Variants in ACAD10 observed in about 807,000 individuals in gnomAD.
The protein encoded by ACAD10 is ACAD-10.
A neutral mutation model predicts 116.8 loss-of-function variants in ACAD10; 112 were observed. That is an observed-to-expected ratio of 0.96 (90% CI 0.82 to 1.12). The LOEUF (loss-of-function observed/expected upper bound fraction) is 1.12, where lower values mean the gene tolerates loss of function less well. Ranked by LOEUF, ACAD10 falls within the 50% of genes most tolerant of loss-of-function variation. The pLI, the probability that ACAD10 is intolerant of heterozygous loss-of-function variation, is 0.00. For synonymous variants in ACAD10, 486 were observed against 510.6 expected (o/e 0.95, Z 0.65); for missense variants, 1,259 against 1,350.2 (o/e 0.93, Z 1.06).
At chr12:111,728,728 C>T (rs765915230) in intron 9 of ACAD10, among the ~76,000 whole-genome samples, 100 of 152,176 alleles carry the variant, frequency 6.6e-4, no homozygotes, top group African/African-American at 2.1e-3. Context: ...CTCTCTCTGT[C>T]GCCCACACTG....
chr12:111,725,440 G>C (rs1015962009), intron 8 of ACAD10, among the ~76,000 whole-genome samples: 5 of 152,136 alleles, frequency 3.3e-5, no homozygotes, highest in Non-Finnish European at 7.3e-5. Flanking sequence ...CCTGAGCCTG[G>C]GAGGTGGAGG....
Position 111,692,876 on chromosome 12 carries a change from C to T in ACAD10, c.167C>T (p.Ser56Phe). ...IFDMGGVLIP[S>F]PGRVAAEWEV... is the part of the protein sequence containing the mutation. ...GACATGGGCGGAGTTCTCATTCCTTCTCCAGGGAGAGTCGCTGCAGGTGAG... is the reference window on the plus strand; with the variant it reads ...GACATGGGCGGAGTTCTCATTCCTTTTCCAGGGAGAGTCGCTGCAGGTGAG... The change falls in exon 2 of 21, where the codon TCT becomes TTT. Residue 56 changes from serine to phenylalanine, a missense_variant. Ser to Phe is a radical substitution (Grantham distance 155). Transcript: ENST00000313698. 1 of 1,614,122 alleles carries T rather than the reference C, an allele frequency of 6.2e-7. No individual in the cohort carries two copies. The highest frequency in any genetic ancestry group is 8.5e-7 in the Non-Finnish European group (1 of 1,180,000).
At chr12:111,735,603 C>T (rs959370602) in intron 11 of ACAD10, among the ~76,000 whole-genome samples, 1 of 151,636 alleles carries the variant, frequency 6.6e-6, no homozygotes, top group East Asian at 2.0e-4. Flanking sequence ...CTACAGGCAC[C>T]CACCACCACG....
chr12:111,737,044 G>A lies in ACAD10; in HGVS notation c.1714+40G>A, dbSNP rs750316009. 12 of 1,600,844 alleles carry A rather than the reference G, an allele frequency of 7.5e-6. No homozygotes were observed. In the South Asian group the frequency reaches 1.2e-4, roughly 16 times the overall value. ...GCCCTGAAGAGCCACTGCGGGGTGAGTCACAGCAAGGACCGTGCCTCCACC... is the reference window on the plus strand; with the variant it reads ...GCCCTGAAGAGCCACTGCGGGGTGAATCACAGCAAGGACCGTGCCTCCACC... On this transcript the variant is annotated intron_variant, in intron 12 of 20. Transcript: ENST00000313698.
At chr12:111,704,922 C>T (rs779101143) in intron 3 of ACAD10, among the ~76,000 whole-genome samples, 16 of 151,262 alleles carry the variant, frequency 1.1e-4, no homozygotes, top group Non-Finnish European at 2.1e-4. Context: ...CTCCTGACCT[C>T]GTGATCTGCC....
At chr12:111,746,085 G>A (rs1000921024) in intron 13 of ACAD10, 59 bp from the exon 14 acceptor site, 6 of 1,577,988 alleles carry the variant, frequency 3.8e-6, no homozygotes, top group Non-Finnish European at 5.2e-6. Flanking sequence ...TGTTTTCCAC[G>A]GTTCAAAATA....
chr12:111,720,286 A>G (rs1888979732), intron 7 of ACAD10, among the ~76,000 whole-genome samples: 1 of 152,226 alleles, frequency 6.6e-6, no homozygotes, highest in African/African-American at 2.4e-5. Flanking sequence ...AGTGAGTGGT[A>G]TACAAATGTC....
rs144749824 is a variant in ACAD10 at position 111,749,345 on chromosome 12, C to T, written c.2817C>T (p.Arg939=). The T allele has an allele frequency of 1.7e-4, 269 of 1,611,398 alleles. 1 individual carries two copies. In the African/African-American group the frequency reaches 2.8e-3, roughly 17 times the overall value. The change falls in exon 18 of 21, where the codon CGC becomes CGT. Residue 939 remains arginine (R), a splice_region_variant and synonymous_variant. Transcript: ENST00000313698. ...GGGCCCTGGCACTCATGAAGGCCCG[C>T]GTGAGTGCTTTCCCCCGCACCCAGC... ...SERALALMKA[R]VKSRLAFGKP... is the part of the protein sequence containing the mutation.
At chr12:111,726,983 T>C (rs1889231930) in intron 8 of ACAD10, among the ~76,000 whole-genome samples, 1 of 152,182 alleles carries the variant, frequency 6.6e-6, no homozygotes, top group South Asian at 2.1e-4. Context: ...CCCAACACTT[T>C]GGGAGGCTGA....
chr12:111,735,366 A>G (rs2135980218), intron 11 of ACAD10, among the ~76,000 whole-genome samples: 2 of 152,328 alleles, frequency 1.3e-5, no homozygotes, highest in Middle Eastern at 6.8e-3. Context: ...ATTTGCCTAT[A>G]TATAAGGTAT....
At chr12:111,734,409 C>T (rs1889490119) in intron 11 of ACAD10, among the ~76,000 whole-genome samples, 1 of 152,092 alleles carries the variant, frequency 6.6e-6, no homozygotes, top group South Asian at 2.1e-4. Context: ...GGGTGGATCA[C>T]AAGGTCAGGA....
Position 111,756,718 on chromosome 12 carries a change from A to G in ACAD10, c.*245A>G, listed in dbSNP as rs1462639584. ...GAGGGCCAAGGGGGTTCTGGGACAG[A>G]GTCTGGAAAGCTGGTCTTCAGGCTC... On this transcript the variant is annotated 3_prime_UTR_variant, in exon 21 of 21. Transcript: ENST00000313698. The G allele has an allele frequency of 2.9e-6, 2 of 690,098 alleles. No homozygotes were observed. The highest frequency in any genetic ancestry group is 5.1e-6 in the Non-Finnish European group (2 of 389,140). 42.7% of individuals were successfully genotyped at this position (690,098 alleles called of 1,614,324 possible). A position where few individuals can be genotyped will look rare whatever the true frequency, so the allele number is the denominator to read the frequency against.
chr12:111,687,561 A>G (rs1887906190), intron 1 of ACAD10, among the ~76,000 whole-genome samples: 1 of 152,206 alleles, frequency 6.6e-6, no homozygotes, highest in African/African-American at 2.4e-5. Flanking sequence ...CATAAACCAT[A>G]CACACATACT....
intron 12 of ACAD10, among the ~76,000 whole-genome samples, chr12:111,740,782 C>CAAAA (rs751899672): frequency 2.4e-4 from 12 of 50,960 alleles, no homozygotes; most frequent in East Asian, 3.9e-4. Context: ...GACTCCATCT[C>CAAAA]AAAAAAAAAA....
At chr12:111,708,897 C>G (rs1165403766) in intron 4 of ACAD10, among the ~76,000 whole-genome samples, 2 of 152,106 alleles carry the variant, frequency 1.3e-5, no homozygotes. Flanking sequence ...GCAAGGTCGT[C>G]AGAGTACAGG....
In ACAD10 at chr12:111,753,570, T is replaced by C. The variant is rs936007732; in HGVS notation, c.2818-202T>C. 8 of 739,864 alleles carry C rather than the reference T, an allele frequency of 1.1e-5. No homozygotes were observed. In the African/African-American group the frequency reaches 1.4e-4, roughly 13 times the overall value. The allele number at this position is 739,864 out of a possible 1,614,324, so 45.8% of individuals were successfully genotyped here. ...TGGCTGGCTGTGGCACACGTGAAGG[T>C]TGTGTGTCAGACCTACTCCCTGGAC... On this transcript the variant is annotated intron_variant, in intron 18 of 20. Transcript: ENST00000313698.
At chr12:111,717,139 T>C (rs1236476055) in intron 7 of ACAD10, among the ~76,000 whole-genome samples, 1 of 152,074 alleles carries the variant, frequency 6.6e-6, no homozygotes, top group Non-Finnish European at 1.5e-5. Context: ...CAGATTTGCT[T>C]TGAGCTCAGG....
rs149610201 is a variant in ACAD10 at position 111,744,888 on chromosome 12, A to T, written c.1960A>T (p.Ile654Phe). The part of the protein sequence containing the change: ...PAHTSRGGLV[I>F]SPESLSPPVR... ...TCATACCTCAAGGGGAGGTCTGGTT[A>T]TCTCTCCAGAGAGCCTCTCTCCACC... is the stretch of plus-strand genomic sequence containing the variant. The change falls in exon 13 of 21, where the codon ATC (isoleucine) becomes TTC (phenylalanine). Residue 654 changes from isoleucine to phenylalanine, a missense_variant. Coordinates refer to ENST00000313698, the MANE Select transcript of ACAD10 (RefSeq NM_025247.6). The T allele has an allele frequency of 1.9e-5, 31 of 1,613,982 alleles. No homozygotes were observed. In the East Asian group the frequency reaches 5.8e-4, roughly 30 times the overall value.
intron 8 of ACAD10, among the ~76,000 whole-genome samples, chr12:111,726,493 T>A (rs970309340): frequency 6.6e-6 from 1 of 152,200 alleles, no homozygotes; most frequent in Non-Finnish European, 1.5e-5. Flanking sequence ...TTTCTTTTTT[T>A]AAGTAACAAA....
Sources: gnomAD v4.1 joint callset for allele counts (sites outside exome capture counted in the v4.1 genomes callset) on GRCh38, gnomAD v4.1.1 for gene constraint, MANE v1.5 for transcripts, NCBI Gene and HGNC (gene_info 2026-07-23, HGNC 2026-07-21) for gene names.